The following NKAIN1 variants were observed in gnomAD, a reference collection of about 807,000 sequenced individuals.
NKAIN1 encodes the protein sodium/potassium transporting ATPase interacting 1, also known as sodium/potassium-transporting ATPase subunit beta-1-interacting protein 1.
A neutral mutation model predicts 31.6 loss-of-function variants in NKAIN1; 13 were observed. The observed-to-expected ratio is 0.41, with a 90% CI of 0.27 to 0.65. The LOEUF is 0.65. Ranked by LOEUF, NKAIN1 falls within the 30% of genes least tolerant of loss-of-function variation. NKAIN1 has a pLI of 0.30. For synonymous variants in NKAIN1, 104 were observed against 109.0 expected (o/e 0.95, Z 0.28); for missense variants, 193 against 262.2 (o/e 0.74, Z 1.82).
chr1:31,189,979 T>C (rs1324993036), intron 1 of NKAIN1, among the ~76,000 whole-genome samples: 1 of 152,182 alleles, frequency 6.6e-6, no homozygotes, highest in Non-Finnish European at 1.5e-5. Flanking sequence ...CAAGGGAATG[T>C]CCTGAGCCAT....
chr1:31,231,471 A>G (rs1329666753), intron 1 of NKAIN1, among the ~76,000 whole-genome samples: 1 of 147,234 alleles, frequency 6.8e-6, no homozygotes, highest in African/African-American at 2.5e-5. Context: ...ACAGTGCCCA[A>G]CCTCCTCATT....
intron 1 of NKAIN1, among the ~76,000 whole-genome samples, chr1:31,228,176 CTAATTGTGCATT>C (rs1557662997): frequency 6.6e-6 from 1 of 152,178 alleles, no homozygotes; most frequent in Non-Finnish European, 1.5e-5. Flanking sequence ...GTAATTATGC[CTAATTGTGCATT>C]TAATTGTGTA....
rs200227123 is a variant in NKAIN1 at position 31,201,446 on chromosome 1, CTT to C, written c.55-13261_55-13260del. Among the ~76,000 whole-genome samples, 638 of 151,020 alleles carry C rather than the reference CTT, an allele frequency of 4.2e-3. 45 individuals are homozygous for C. The East Asian group carries it at 0.11, about 25-fold the overall frequency. ...CTATCTCAGCTCACTGCAAGCTCTG[CTT>C]TCCGGGTTCACGCCATCCTCCTGCC... On this transcript the variant is annotated intron_variant, in intron 1 of 6. Coordinates refer to ENST00000373736, the MANE Select transcript of NKAIN1 (RefSeq NM_024522.3).
At chr1:31,196,216 T>C (rs984378286) in intron 1 of NKAIN1, among the ~76,000 whole-genome samples, 2 of 151,726 alleles carry the variant, frequency 1.3e-5, no homozygotes, top group African/African-American at 4.8e-5. Flanking sequence ...CCGCCTCTAC[T>C]AAAAATACAA....
intron 1 of NKAIN1, among the ~76,000 whole-genome samples, chr1:31,213,298 C>T (rs945164665): frequency 2.0e-5 from 3 of 151,956 alleles, no homozygotes; most frequent in African/African-American, 7.3e-5. Context: ...AGAATTTCTC[C>T]AAAGAAGGTA....
intron 1 of NKAIN1, among the ~76,000 whole-genome samples, chr1:31,237,505 T>C (rs1310521313): frequency 1.3e-5 from 2 of 149,374 alleles, no homozygotes; most frequent in Non-Finnish European, 3.0e-5. Context: ...AAGAAAACTT[T>C]TTTTTTTTTT....
chr1:31,220,772 A>AAAAAAAAAAAAAAG (rs1213472698), intron 1 of NKAIN1, among the ~76,000 whole-genome samples: 1 of 151,676 alleles, frequency 6.6e-6, no homozygotes, highest in African/African-American at 2.4e-5. Context: ...AAAAAAAAAA[A>AAAAAAAAAAAAAAG]AAAGCATCCA....
At chr1:31,225,553 C>T (rs115748396) in intron 1 of NKAIN1, among the ~76,000 whole-genome samples, 2,230 of 152,064 alleles carry the variant, frequency 0.015, 27 homozygotes, top group Admixed American at 0.023. Flanking sequence ...GTCTTGAACT[C>T]CTGGCCTCAA....
intron 2 of NKAIN1, among the ~76,000 whole-genome samples, chr1:31,187,054 T>C (rs1645249489): frequency 2.0e-5 from 3 of 152,198 alleles, no homozygotes; most frequent in Admixed American, 2.0e-4. Flanking sequence ...GGGGCTTTCC[T>C]GAGAACTGGA....
intron 1 of NKAIN1, among the ~76,000 whole-genome samples, chr1:31,238,374 A>T (rs554878265): frequency 2.0e-5 from 3 of 152,316 alleles, no homozygotes; most frequent in Admixed American, 6.5e-5. Context: ...AGGGGGGCTC[A>T]GGCTCCTCGC....
chr1:31,205,681 G>A lies in NKAIN1; in HGVS notation c.55-17494C>T, dbSNP rs1364466761. Among the ~76,000 whole-genome samples the A allele has an allele frequency of 3.0e-5, 4 of 135,204 alleles. No individual in the cohort carries two copies. In the East Asian group the frequency reaches 6.7e-4, roughly 23 times the overall value. 88.7% of individuals were successfully genotyped at this position (135,204 alleles called of 152,430 possible). A position where few individuals can be genotyped will look rare whatever the true frequency, so the allele number is the denominator to read the frequency against. ...CACCCAGGCTAGAGTGCAGTGGCAC[G>A]ATCTCGGCTCGGCTCACCGCAACCT... On this transcript the variant is annotated intron_variant, in intron 1 of 6. Coordinates refer to ENST00000373736, the MANE Select transcript of NKAIN1 (RefSeq NM_024522.3).
intron 1 of NKAIN1, among the ~76,000 whole-genome samples, chr1:31,200,045 A>ACGCACG (rs1553162450): frequency 6.6e-6 from 1 of 151,344 alleles, no homozygotes. Flanking sequence ...ACACATGCAC[A>ACGCACG]CGTGCACACA....
At chr1:31,207,626 A>AT (rs1479995543) in intron 1 of NKAIN1, among the ~76,000 whole-genome samples, 4 of 152,092 alleles carry the variant, frequency 2.6e-5, no homozygotes, top group African/African-American at 9.7e-5. Context: ...TTGCCCATGA[A>AT]GCATTCATGG....
At chr1:31,218,072 T>TTTCTTTCTTTCTTTCTTTC (rs1191182805) in intron 1 of NKAIN1, among the ~76,000 whole-genome samples, 5 of 31,316 alleles carry the variant, frequency 1.6e-4, no homozygotes, top group Admixed American at 5.1e-4. Flanking sequence ...TTCTTTCTTT[T>TTTCTTTCTTTCTTTCTTTC]TTTTTTTTGA....
rs187782961 is a variant in NKAIN1 at position 31,236,642 on chromosome 1, C to T, written c.54+2852G>A. The stretch of plus-strand genomic sequence containing the variant: ...AAGAGAGCAATTTTCAAGTTCCTCC[C>T]GCAAATGATCTTGTGCAACCTTCAC... On this transcript the variant is annotated intron_variant, in intron 1 of 6. Coordinates refer to ENST00000373736, the MANE Select transcript of NKAIN1 (RefSeq NM_024522.3). 3.6e-3 allele frequency among the ~76,000 whole-genome samples: 545 copies of T among 152,294 alleles called. 6 individuals are homozygous for T. In the Middle Eastern group the frequency reaches 0.044, roughly 12 times the overall value.
chr1:31,195,074 T>C (rs1225069822), intron 1 of NKAIN1, among the ~76,000 whole-genome samples: 1 of 146,650 alleles, frequency 6.8e-6, no homozygotes, highest in Non-Finnish European at 1.5e-5. Context: ...CCTGACTCTT[T>C]CTTTTTTTCT....
At position 31,187,909 on chromosome 1, in the gene NKAIN1, T is replaced by TGC. The variant is rs1645257173; in HGVS notation, c.192+140_192+141insGC. 3.2e-4 allele frequency: 276 copies of TGC among 875,894 alleles called. 15 individuals carry two copies. In the South Asian group the frequency reaches 5.1e-3, roughly 16 times the overall value. The allele number at this position is 875,894 out of a possible 1,614,324, so 54.3% of individuals were successfully genotyped here. A position where few individuals can be genotyped will look rare whatever the true frequency, so the allele number is the denominator to read the frequency against. On this transcript the variant is annotated intron_variant, in intron 2 of 6. Coordinates refer to ENST00000373736, the MANE Select transcript of NKAIN1 (RefSeq NM_024522.3). ...GCAAAGAAGCATGGGGCTGTGCACA[T>TGC]TCACCCCATCTTGTTTTGGGTGGAG... is the stretch of plus-strand genomic sequence containing the variant.
intron 2 of NKAIN1, among the ~76,000 whole-genome samples, chr1:31,186,045 T>A (rs1400644238): frequency 2.1e-5 from 3 of 143,846 alleles, no homozygotes; most frequent in Non-Finnish European, 3.0e-5. Context: ...CTGGGCAATA[T>A]GGAGAAAACC....
chr1:31,218,074 T>TCTTTCTTTCTTTCTTTCTC (rs1570472285), intron 1 of NKAIN1, among the ~76,000 whole-genome samples: 3 of 148,382 alleles, frequency 2.0e-5, no homozygotes, highest in African/African-American at 7.6e-5. Flanking sequence ...CTTTCTTTTT[T>TCTTTCTTTCTTTCTTTCTC]TTTTTTGAGA....
Sources: allele counts gnomAD v4.1 joint callset (sites outside exome capture counted in the v4.1 genomes callset), GRCh38; gene constraint gnomAD v4.1.1; transcripts MANE v1.5; gene names NCBI Gene and HGNC (gene_info 2026-07-23, HGNC 2026-07-21).